The following DCP2 variants were observed in gnomAD, a reference collection of about 807,000 sequenced individuals.
DCP2 encodes m7GpppN-mRNA hydrolase.
Under a neutral mutation model 56.1 loss-of-function variants are expected in DCP2, and 30 were observed. The observed-to-expected ratio is 0.53, with a 90% CI of 0.40 to 0.73. The LOEUF (loss-of-function observed/expected upper bound fraction) is 0.73, where lower values mean the gene tolerates loss of function less well. Ranked by LOEUF, DCP2 falls within the 30% of genes least tolerant of loss-of-function variation. The pLI, the probability that DCP2 is intolerant of heterozygous loss-of-function variation, is 0.00. For missense variants in DCP2, 533 were observed against 502.7 expected (o/e 1.06, Z -0.58); for synonymous variants, 197 against 163.3 (o/e 1.21, Z -1.57).
At chr5:113,001,507 G>A (rs374071934) in intron 6 of DCP2, 38 bp downstream of exon 6, 69 of 1,605,152 alleles carry the variant, frequency 4.3e-5, no homozygotes, top group Middle Eastern at 1.6e-4. Flanking sequence ...TTTCATGATT[G>A]GGATAGTCAT....
At position 113,004,004 on chromosome 5, in the gene DCP2, T is replaced by G. The variant is rs868675274; in HGVS notation, c.869T>G (p.Val290Gly). The change falls in exon 8 of 11, where the codon GTA becomes GGA. Residue 290 changes from valine (V) to glycine (G), a missense_variant. Physicochemically the swap from Val to Gly is moderately radical, Grantham distance 109. This residue lies in a region of DCP2 where 392 missense variants were observed against 346.6 expected (regional missense o/e 1.13). Transcript: ENST00000389063. ...FPDGSPGDQW[V>G]KHRQPLQQKP... ...GACGGTTCTCCTGGTGACCAGTGGG[T>G]AAAGCACAGGCAACCACTGCAGCAA... 1.2e-6 allele frequency: 2 copies of G among 1,614,032 alleles called. No individual in the cohort carries two copies. The highest frequency in any genetic ancestry group is 2.7e-5 in the African/African-American group (2 of 74,936).
rs948315291 is a variant in DCP2, at chr5:113,014,578, C to T, written c.*1094C>T. ...ACATAACAGTAACATACATAACTCA[C>T]TCCTAGGAATGTATTTTGCTTCAGG... is the stretch of plus-strand genomic sequence containing the variant. On this transcript the variant is annotated 3_prime_UTR_variant, in exon 11 of 11. Coordinates refer to ENST00000389063, the MANE Select transcript of DCP2 (RefSeq NM_152624.6). The T allele has an allele frequency of 6.6e-6, 1 of 152,630 alleles. No individual in the cohort carries two copies. Among genetic ancestry groups the T allele is most frequent in the Non-Finnish European group, 1.5e-5 (1 of 68,040 alleles). 9.5% of individuals were successfully genotyped at this position (152,630 alleles called of 1,614,324 possible).
At position 113,021,163 on chromosome 5, in the gene DCP2, A is replaced by C. The variant is rs1177581509; in HGVS notation, c.*7679A>C. On this transcript the variant is annotated 3_prime_UTR_variant, in exon 11 of 11. Transcript: ENST00000389063. Reference sequence around the variant, plus strand: ...GGGAGGCTGAGTTGGGTGGATCACGAGGTCAGGAGTTCGAGACCAGCCTGA... The same window carrying C: ...GGGAGGCTGAGTTGGGTGGATCACGCGGTCAGGAGTTCGAGACCAGCCTGA... Among the ~76,000 whole-genome samples, 1 of 152,230 alleles carries C rather than the reference A, an allele frequency of 6.6e-6. No homozygotes were observed. Among genetic ancestry groups the C allele is most frequent in the East Asian group, 1.9e-4 (1 of 5,182 alleles).
intron 10 of DCP2, among the ~76,000 whole-genome samples, chr5:113,011,022 TC>T (rs1193272486): frequency 6.6e-6 from 1 of 152,230 alleles, no homozygotes; most frequent in Non-Finnish European, 1.5e-5. Flanking sequence ...CTGTGCCGTT[TC>T]TTTTATGAAT....
chr5:112,978,832 T>A (rs1413080779), intron 1 of DCP2, among the ~76,000 whole-genome samples: 5 of 152,174 alleles, frequency 3.3e-5, no homozygotes, highest in Admixed American at 1.3e-4. Context: ...TAGAAAAAAA[T>A]TGAAGATAAG....
chr5:113,013,191 G>C, intron 10 of DCP2, 130 bp from the exon 11 acceptor site: 1 of 909,262 alleles, frequency 1.1e-6, no homozygotes, highest in East Asian at 2.8e-5. Flanking sequence ...TGGTGGTTCT[G>C]TTTAGGGTTA....
chr5:112,977,741 A>T (rs1170332959), intron 1 of DCP2, among the ~76,000 whole-genome samples: 1 of 152,238 alleles, frequency 6.6e-6, no homozygotes, highest in Non-Finnish European at 1.5e-5. Context: ...CGTGTAGGAT[A>T]CTTAAAAATG....
intron 2 of DCP2, 29 bp downstream of exon 2, chr5:112,986,015 C>G: frequency 6.7e-7 from 1 of 1,487,254 alleles, no homozygotes; most frequent in African/African-American, 1.4e-5. Flanking sequence ...TAATGACTGA[C>G]TTTCTTGTTA....
At chr5:112,998,670 GAGA>G (rs1233846141) in intron 4 of DCP2, among the ~76,000 whole-genome samples, 2 of 152,220 alleles carry the variant, frequency 1.3e-5, no homozygotes, top group African/African-American at 2.4e-5. Context: ...GTCGTATGTA[GAGA>G]AGAATAGATT....
rs778877529 is a variant in DCP2, at chr5:113,001,639, T to C, written c.771T>C (p.Gly257=). The C allele has an allele frequency of 6.2e-7, 1 of 1,614,200 alleles. No homozygotes were observed. Among genetic ancestry groups the C allele is most frequent in the South Asian group, 1.1e-5 (1 of 91,090 alleles). ...GTGACAATGGATTTTCCTCAACTGG[T>C]AGCACGCCGGCTAAACCCACTGTGG... ...SDSDNGFSST[G]STPAKPTVEK... The change falls in exon 7 of 11, where the codon GGT becomes GGC. Residue 257 remains glycine (G), a synonymous_variant. Transcript: ENST00000389063.
At chr5:112,983,310 G>A (rs1748097985) in intron 1 of DCP2, among the ~76,000 whole-genome samples, 1 of 152,176 alleles carries the variant, frequency 6.6e-6, no homozygotes, top group Non-Finnish European at 1.5e-5. Context: ...CAATATTACG[G>A]TTGCCTCTGA....
At chr5:112,996,970 A>T (rs1264196400) in intron 4 of DCP2, among the ~76,000 whole-genome samples, 2 of 152,236 alleles carry the variant, frequency 1.3e-5, no homozygotes, top group Admixed American at 1.3e-4. Context: ...GACAGAAAAG[A>T]GCTGAGGAAA....
chr5:112,983,129 C>T (rs550153483), intron 1 of DCP2, among the ~76,000 whole-genome samples: 5 of 152,290 alleles, frequency 3.3e-5, no homozygotes, highest in African/African-American at 1.2e-4. Context: ...ATGCCAATTA[C>T]AGATTGAAGT....
intron 1 of DCP2, among the ~76,000 whole-genome samples, chr5:112,981,014 C>G (rs889832834): frequency 6.8e-6 from 1 of 146,544 alleles, no homozygotes; most frequent in African/African-American, 2.5e-5. Context: ...CATTGTTTAC[C>G]TTTGTGACTT....
In DCP2 at chr5:113,015,334, T is replaced by G. The variant is rs575951787; in HGVS notation, c.*1850T>G. 6.6e-6 allele frequency: 1 copy of G among 152,510 alleles called. No homozygotes were observed. The highest frequency in any genetic ancestry group is 2.4e-5 in the African/African-American group (1 of 41,442). 9.4% of individuals were successfully genotyped at this position (152,510 alleles called of 1,614,324 possible). ...TTGTCTTCTGGAAACCATTTAACTT[T>G]TACTGTTTTTTATTTTTTTGGTATG... On this transcript the variant is annotated 3_prime_UTR_variant, in exon 11 of 11. Coordinates refer to ENST00000389063, the MANE Select transcript of DCP2 (RefSeq NM_152624.6).
chr5:113,008,675 C>T (rs1435116768), intron 9 of DCP2, among the ~76,000 whole-genome samples: 1 of 151,974 alleles, frequency 6.6e-6, no homozygotes, highest in Non-Finnish European at 1.5e-5. Flanking sequence ...TACCTGAATT[C>T]CCTGGGTATT....
chr5:113,003,021 TTAAA>T (rs1311364462), intron 7 of DCP2, among the ~76,000 whole-genome samples: 1 of 152,230 alleles, frequency 6.6e-6, no homozygotes, highest in Non-Finnish European at 1.5e-5. Context: ...GCTTCAGAAA[TTAAA>T]TAGGAGTAAA....
At chr5:112,989,184 C>G (rs565999266) in intron 2 of DCP2, among the ~76,000 whole-genome samples, 15 of 152,206 alleles carry the variant, frequency 9.9e-5, no homozygotes, top group African/African-American at 3.1e-4. Context: ...TCAGTGGGAA[C>G]AGAAGAGGGA....
At chr5:113,005,153 T>TGTGTGG (rs771436317) in intron 8 of DCP2, among the ~76,000 whole-genome samples, 12 of 149,440 alleles carry the variant, frequency 8.0e-5, no homozygotes, top group African/African-American at 1.7e-4. Context: ...TGCGTGTGGG[T>TGTGTGG]GTGTGTGTGT....
Sources: allele counts gnomAD v4.1 joint callset (sites outside exome capture counted in the v4.1 genomes callset), GRCh38; gene constraint gnomAD v4.1.1; regional missense constraint gnomAD v4.1.1; transcripts MANE v1.5; gene names NCBI Gene and HGNC (gene_info 2026-07-23, HGNC 2026-07-21).